The following GLI3 variants were observed in gnomAD, a reference collection of about 807,000 sequenced individuals.
The protein encoded by GLI3 is GLI family zinc finger 3.
A neutral mutation model predicts 100.8 loss-of-function variants in GLI3; 20 were observed. That is an observed-to-expected ratio of 0.20 (90% confidence interval 0.14 to 0.29). The LOEUF (loss-of-function observed/expected upper bound fraction) is 0.29, where lower values mean the gene tolerates loss of function less well. Among genes scored for constraint, GLI3 ranks in the 10% least tolerant of loss-of-function variants. The probability of loss-of-function intolerance (pLI) is 1.00; values close to 1 mark genes in which losing one functional copy is unlikely to be tolerated. For synonymous variants in GLI3, 938 were observed against 860.5 expected (o/e 1.09, Z -1.58); for missense variants, 2,040 against 2,128.5 (o/e 0.96, Z 0.82).
chr7:41,996,524 G>A (rs573988585), intron 10 of GLI3, among the ~76,000 whole-genome samples: 15 of 152,290 alleles, frequency 9.8e-5, no homozygotes, highest in Admixed American at 9.2e-4. Flanking sequence ...CAGTGAGACA[G>A]ACACAATATC....
At chr7:42,053,451 G>A (rs1312688671) in intron 4 of GLI3, among the ~76,000 whole-genome samples, 1 of 152,206 alleles carries the variant, frequency 6.6e-6, no homozygotes, top group Non-Finnish European at 1.5e-5. Flanking sequence ...GACAGGGGAG[G>A]TATGGAGAAG....
At chr7:42,258,919 A>C (rs1789112714) in intron 1 of GLI3, among the ~76,000 whole-genome samples, 1 of 152,170 alleles carries the variant, frequency 6.6e-6, no homozygotes, top group African/African-American at 2.4e-5. Context: ...CACACAGAAA[A>C]TGTGCTTGGG....
intron 3 of GLI3, among the ~76,000 whole-genome samples, chr7:42,128,221 G>C (rs1786184338): frequency 6.6e-6 from 1 of 152,088 alleles, no homozygotes; most frequent in African/African-American, 2.4e-5. Context: ...CAGTTTGACA[G>C]CATCACCCAC....
chr7:42,231,545 T>C (rs913199874), intron 1 of GLI3, among the ~76,000 whole-genome samples: 2 of 152,180 alleles, frequency 1.3e-5, no homozygotes, highest in African/African-American at 4.8e-5. Flanking sequence ...TGGAATTTCA[T>C]TGTAGTATCC....
At chr7:42,182,678 A>ATATATATATG (rs1787634456) in intron 2 of GLI3, among the ~76,000 whole-genome samples, 2 of 60,714 alleles carry the variant, frequency 3.3e-5, no homozygotes, top group Non-Finnish European at 6.8e-5. Flanking sequence ...ATATATATAT[A>ATATATATATG]TATACACATG....
chr7:42,080,943 G>A (rs1014174330), intron 3 of GLI3, among the ~76,000 whole-genome samples: 2 of 152,252 alleles, frequency 1.3e-5, no homozygotes, highest in African/African-American at 4.8e-5. Context: ...CAGCTGTGAC[G>A]CATCATAACT....
chr7:42,132,073 C>CATT (rs1254837001), intron 3 of GLI3, among the ~76,000 whole-genome samples: 1 of 140,794 alleles, frequency 7.1e-6, no homozygotes, highest in South Asian at 2.1e-4. Context: ...TTCAGGACTT[C>CATT]ATTATTTATT....
At chr7:41,979,130 G>A (rs752540513) in intron 10 of GLI3, among the ~76,000 whole-genome samples, 5 of 152,188 alleles carry the variant, frequency 3.3e-5, no homozygotes, top group Non-Finnish European at 7.3e-5. Flanking sequence ...CAAGGCTGGC[G>A]ATTGAGGCTA....
rs376032969 is a variant in GLI3, at chr7:42,085,725, C to A, written c.368-8868G>T. ...TGAAATGTCAATCCTGCTTTGGAGG[C>A]GGCAACCCTGAGGAGCTCTCAGGCA... On this transcript the variant is annotated intron_variant, in intron 3 of 14. Coordinates refer to ENST00000395925, the MANE Select transcript of GLI3 (RefSeq NM_000168.6). 4.6e-5 allele frequency among the ~76,000 whole-genome samples: 7 copies of A among 152,262 alleles called. 1 individual carries two copies. Among genetic ancestry groups the A allele is most frequent in the African/African-American group, 1.7e-4 (7 of 41,562 alleles).
intron 3 of GLI3, among the ~76,000 whole-genome samples, chr7:42,119,259 T>C (rs1338777450): frequency 6.6e-6 from 1 of 152,248 alleles, no homozygotes; most frequent in Admixed American, 6.5e-5. Context: ...AAAGAACATG[T>C]GAGGAAAGCA....
chr7:42,258,514 G>T (rs1240458451), intron 1 of GLI3, among the ~76,000 whole-genome samples: 1 of 152,036 alleles, frequency 6.6e-6, no homozygotes, highest in Non-Finnish European at 1.5e-5. Context: ...ATGCCTTCTT[G>T]GTTTTCCTAT....
chr7:42,192,902 C>G (rs920996189), intron 2 of GLI3, among the ~76,000 whole-genome samples: 1 of 152,150 alleles, frequency 6.6e-6, no homozygotes. Context: ...AAACAGGCAA[C>G]GAGAACCAGC....
intron 3 of GLI3, among the ~76,000 whole-genome samples, chr7:42,106,423 A>C (rs1338665339): frequency 6.6e-6 from 1 of 152,026 alleles, no homozygotes; most frequent in African/African-American, 2.4e-5. Context: ...TGCAATAGGA[A>C]CCCTAGTCAC....
At chr7:42,197,965 C>T (rs772962407) in intron 2 of GLI3, among the ~76,000 whole-genome samples, 4 of 152,114 alleles carry the variant, frequency 2.6e-5, no homozygotes, top group Admixed American at 1.3e-4. Context: ...TAGGTGTGGC[C>T]GCCCCAAATA....
At chr7:42,173,451 G>A (rs993591338) in intron 2 of GLI3, among the ~76,000 whole-genome samples, 3 of 152,150 alleles carry the variant, frequency 2.0e-5, no homozygotes, top group South Asian at 2.1e-4. Context: ...TCCAGGTAAC[G>A]AGGGTACTGT....
chr7:42,237,422 G>C (rs1271305485), upstream of GLI3, among the ~76,000 whole-genome samples: 1 of 152,100 alleles, frequency 6.6e-6, no homozygotes, highest in Non-Finnish European at 1.5e-5. Context: ...TCTGGAAAAA[G>C]GTCCCATCCC....
upstream of GLI3, among the ~76,000 whole-genome samples, chr7:42,237,254 G>T (rs1344745615): frequency 6.6e-6 from 1 of 151,096 alleles, no homozygotes; most frequent in African/African-American, 2.4e-5. Context: ...CCTCCCGCTC[G>T]TGCAGCTCCG....
chr7:41,996,789 C>T (rs1251479578), intron 10 of GLI3, among the ~76,000 whole-genome samples: 1 of 152,044 alleles, frequency 6.6e-6, no homozygotes, highest in East Asian at 1.9e-4. Context: ...TACTTAAGGT[C>T]TTCTGGATTT....
chr7:42,103,813 T>C (rs1035295837), intron 3 of GLI3, among the ~76,000 whole-genome samples: 3 of 152,198 alleles, frequency 2.0e-5, no homozygotes, highest in Non-Finnish European at 4.4e-5. Context: ...GCTTCAGATG[T>C]AGATTGGCAT....
Sources: gnomAD v4.1 joint callset for allele counts (sites outside exome capture counted in the v4.1 genomes callset) on GRCh38, gnomAD v4.1.1 for gene constraint, MANE v1.5 for transcripts, NCBI Gene and HGNC (gene_info 2026-07-23, HGNC 2026-07-21) for gene names.